LRRC38: variants seen among roughly 807,000 people sequenced by gnomAD.
LRRC38 encodes leucine rich repeat containing 38.
In LRRC38, 5 loss-of-function variants were observed where a neutral mutation model predicts 16.4. The observed-to-expected ratio is 0.31, with a 90% CI of 0.16 to 0.64. The LOEUF is 0.64. Among genes scored for constraint, LRRC38 ranks in the 30% least tolerant of loss-of-function variants. LRRC38 has a pLI of 0.80. For missense variants in LRRC38, 341 were observed against 401.8 expected (o/e 0.85, Z 1.29); for synonymous variants, 191 against 190.2 (o/e 1.00, Z -0.04).
intron 1 of LRRC38, among the ~76,000 whole-genome samples, chr1:13,500,674 G>A (rs1041610279): frequency 6.6e-6 from 1 of 152,168 alleles, no homozygotes; most frequent in African/African-American, 2.4e-5. Flanking sequence ...TTAGGCCCAT[G>A]TCTTCAGGAC....
intron 1 of LRRC38, among the ~76,000 whole-genome samples, chr1:13,476,397 C>A (rs769154464): frequency 6.6e-6 from 1 of 152,038 alleles, no homozygotes; most frequent in Non-Finnish European, 1.5e-5. Context: ...GGCGTGATCT[C>A]GGCTCACTGC....
At chr1:13,510,698 C>T (rs1265731404) in intron 1 of LRRC38, among the ~76,000 whole-genome samples, 5 of 152,078 alleles carry the variant, frequency 3.3e-5, no homozygotes, top group African/African-American at 1.2e-4. Context: ...GCACCTACCA[C>T]ACGCCAAGCA....
At chr1:13,482,737 T>C (rs979031831) in intron 1 of LRRC38, among the ~76,000 whole-genome samples, 2 of 152,166 alleles carry the variant, frequency 1.3e-5, no homozygotes, top group Non-Finnish European at 2.9e-5. Flanking sequence ...TGTTCCTACC[T>C]GACCTTGGAA....
chr1:13,498,152 C>T lies in LRRC38; in HGVS notation c.631+14811G>A, dbSNP rs572825450. 4.0e-5 allele frequency among the ~76,000 whole-genome samples: 6 copies of T among 151,780 alleles called. 1 individual carries two copies. In the East Asian group the frequency reaches 7.7e-4, roughly 20 times the overall value. ...GCGTTTTCAGCTCAGCGCCTGGAAT[C>T]GAGCAGATAATTGACAAAATGAAGT... On this transcript the variant is annotated intron_variant, in intron 1 of 1. Transcript: ENST00000376085.
chr1:13,484,321 G>A (rs1638906443), intron 1 of LRRC38, among the ~76,000 whole-genome samples: 1 of 151,990 alleles, frequency 6.6e-6, no homozygotes. Flanking sequence ...TCTCTGAGCA[G>A]GTATTTATTT....
At chr1:13,502,605 G>T (rs1639163910) in intron 1 of LRRC38, among the ~76,000 whole-genome samples, 1 of 152,232 alleles carries the variant, frequency 6.6e-6, no homozygotes, top group South Asian at 2.1e-4. Flanking sequence ...GACTTGGAAG[G>T]GGAGATGAGG....
chr1:13,503,070 G>C (rs1003306461), intron 1 of LRRC38, among the ~76,000 whole-genome samples: 10 of 152,134 alleles, frequency 6.6e-5, no homozygotes, highest in African/African-American at 2.4e-4. Context: ...CCACCCAGGG[G>C]ACCTTTGCTG....
intron 1 of LRRC38, among the ~76,000 whole-genome samples, chr1:13,505,788 C>T (rs1315247622): frequency 1.3e-5 from 2 of 151,524 alleles, no homozygotes; most frequent in Non-Finnish European, 1.5e-5. Flanking sequence ...AGATCGGGGT[C>T]GGGGGAGGTG....
intron 1 of LRRC38, among the ~76,000 whole-genome samples, chr1:13,510,523 C>T (rs1197734719): frequency 2.6e-5 from 4 of 152,156 alleles, no homozygotes; most frequent in Non-Finnish European, 5.9e-5. Flanking sequence ...CCCCATTTTA[C>T]AGATGAGGAA....
intron 1 of LRRC38, among the ~76,000 whole-genome samples, chr1:13,495,799 A>G (rs1485212644): frequency 6.6e-6 from 1 of 152,054 alleles, no homozygotes; most frequent in Non-Finnish European, 1.5e-5. Context: ...ATTATGGTAC[A>G]TCGAATTCCG....
intron 1 of LRRC38, among the ~76,000 whole-genome samples, chr1:13,481,705 TAGAAGAAGAGACACCAGAGAG>T (rs1557495134): frequency 6.6e-5 from 10 of 151,978 alleles, no homozygotes; most frequent in African/African-American, 2.4e-4. Context: ...AATGTGTTCT[TAGAAGAAGAGACACCAGAGAG>T]CTCTCCCAAT....
intron 1 of LRRC38, among the ~76,000 whole-genome samples, chr1:13,503,705 G>A (rs1260335915): frequency 1.3e-5 from 2 of 152,230 alleles, no homozygotes; most frequent in South Asian, 2.1e-4. Flanking sequence ...CTCTCTGAGA[G>A]ATGAGAAGGC....
chr1:13,513,674 A>T lies in LRRC38; in HGVS notation c.-81T>A, dbSNP rs1272676493. 4 of 961,376 alleles carry T rather than the reference A, an allele frequency of 4.2e-6. No individual in the cohort carries two copies. In the African/African-American group the frequency reaches 7.1e-5, roughly 17 times the overall value. The allele number at this position is 961,376 out of a possible 1,614,324, so 59.6% of individuals were successfully genotyped here. On this transcript the variant is annotated 5_prime_UTR_variant, in exon 1 of 2. Coordinates refer to ENST00000376085, the MANE Select transcript of LRRC38 (RefSeq NM_001010847.2). ...CTGGCGCGGGACGGCGCGGTGAGGC[A>T]CTGGCTGCCGGGCGCGGGGAGCCAG... is the stretch of plus-strand genomic sequence containing the variant.
chr1:13,498,809 T>C (rs549195149), intron 1 of LRRC38, among the ~76,000 whole-genome samples: 1 of 152,198 alleles, frequency 6.6e-6, no homozygotes, highest in East Asian at 1.9e-4. Context: ...ACAACGGAAA[T>C]GCTTGTCTCA....
chr1:13,495,902 C>A (rs2100509402), intron 1 of LRRC38, among the ~76,000 whole-genome samples: 1 of 152,294 alleles, frequency 6.6e-6, no homozygotes, highest in Non-Finnish European at 1.5e-5. Flanking sequence ...TGCAGACAGG[C>A]ACTATGTTCT....
intron 1 of LRRC38, among the ~76,000 whole-genome samples, chr1:13,511,547 A>G (rs2990679): frequency 0.61 from 91,982 of 151,722 alleles, 28,899 homozygotes; most frequent in Middle Eastern, 0.71. Context: ...CTGGAAGACA[A>G]CTGGAGCCAA....
intron 1 of LRRC38, among the ~76,000 whole-genome samples, chr1:13,507,903 CAG>C (rs1639231579): frequency 6.6e-6 from 1 of 151,844 alleles, no homozygotes; most frequent in Non-Finnish European, 1.5e-5. Context: ...TGGTGCCAGG[CAG>C]CTGGCACCAT....
At chr1:13,510,758 C>T (rs556300639) in intron 1 of LRRC38, among the ~76,000 whole-genome samples, 2 of 152,266 alleles carry the variant, frequency 1.3e-5, no homozygotes, top group East Asian at 1.9e-4. Flanking sequence ...ACAGCAAGCA[C>T]GGCAGAGGAC....
intron 1 of LRRC38, among the ~76,000 whole-genome samples, chr1:13,481,755 T>G (rs747181006): frequency 1.1e-5 from 1 of 88,014 alleles, no homozygotes. Context: ...GCCTCTCACT[T>G]TCTTTCCCTC....
Sources: allele counts gnomAD v4.1 joint callset (sites outside exome capture counted in the v4.1 genomes callset), GRCh38; gene constraint gnomAD v4.1.1; transcripts MANE v1.5; gene names NCBI Gene and HGNC (gene_info 2026-07-23, HGNC 2026-07-21).